The following COLQ variants were observed in gnomAD, a reference collection of about 807,000 sequenced individuals.
The protein encoded by COLQ is collagen like tail subunit of asymmetric acetylcholinesterase, also known as acetylcholinesterase collagenic tail peptide.
In COLQ, 48 loss-of-function variants were observed where a neutral mutation model predicts 69.0. That is an observed-to-expected ratio of 0.70 (90% confidence interval 0.55 to 0.88). COLQ has a LOEUF of 0.88. Ranked by LOEUF, COLQ falls within the 40% of genes least tolerant of loss-of-function variation. COLQ has a pLI of 0.00. For synonymous variants in COLQ, 217 were observed against 211.2 expected, an observed-to-expected ratio of 1.03 and a Z score of -0.24; for missense variants, 618 against 594.6, an observed-to-expected ratio of 1.04 and a Z score of -0.41.
At chr3:15,456,374 C>T in intron 14 of COLQ, 86 bp downstream of exon 14, 1 of 1,576,924 alleles carries the variant, frequency 6.3e-7, no homozygotes, top group Non-Finnish European at 8.7e-7. Flanking sequence ...CCTCCCCAGG[C>T]CCAGTGGGGT....
At chr3:15,466,531 AG>A in intron 11 of COLQ, 94 bp from the exon 12 acceptor site, 2 of 1,066,536 alleles carry the variant, frequency 1.9e-6, no homozygotes, top group South Asian at 1.3e-5. Flanking sequence ...CTTGCACTTA[AG>A]GAGCAAGAGC....
At chr3:15,497,044 T>G (rs2062756372) in intron 1 of COLQ, among the ~76,000 whole-genome samples, 2 of 86,422 alleles carry the variant, frequency 2.3e-5, no homozygotes, top group Non-Finnish European at 5.1e-5. Context: ...GCCTTTTTTT[T>G]TTTTTTTTTT....
Position 15,488,263 on chromosome 3 carries a change from G to A in COLQ, c.264C>T (p.Thr88=). The change falls in exon 3 of 17, where the codon ACC becomes ACT. Residue 88 remains threonine, a synonymous_variant. Coordinates refer to ENST00000383788, the MANE Select transcript of COLQ (RefSeq NM_005677.4). ...AGCCTTGCATGCACGGGGACTGCGA[G>A]GTCTCCAGTTCCAGCATGAGATTCT... ...DMKNLMLELE[T]SQSPCMQGSL... is the part of the protein sequence containing the mutation. 1 of 1,613,682 alleles carries A rather than the reference G, an allele frequency of 6.2e-7. No individual in the cohort carries two copies. The highest frequency in any genetic ancestry group is 8.5e-7 in the Non-Finnish European group (1 of 1,180,012).
At chr3:15,487,658 T>C (rs756280653) in intron 3 of COLQ, among the ~76,000 whole-genome samples, 2 of 152,172 alleles carry the variant, frequency 1.3e-5, no homozygotes, top group African/African-American at 4.8e-5. Flanking sequence ...CAGGACTCTG[T>C]GGGGTGGGGT....
At chr3:15,498,442 C>CT in intron 1 of COLQ, 2 of 1,494,544 alleles carry the variant, frequency 1.3e-6, no homozygotes, top group Non-Finnish European at 9.1e-7. Context: ...TTCCAAGAGT[C>CT]TTTTTTCCAA....
intron 1 of COLQ, among the ~76,000 whole-genome samples, chr3:15,490,475 C>T (rs2062646718): frequency 1.3e-5 from 2 of 152,200 alleles, no homozygotes; most frequent in Non-Finnish European, 1.5e-5. Flanking sequence ...ACCAGAGATT[C>T]ATTTTGACTA....
intron 3 of COLQ, among the ~76,000 whole-genome samples, chr3:15,487,288 C>T (rs1253778205): frequency 6.6e-6 from 1 of 152,168 alleles, no homozygotes; most frequent in East Asian, 1.9e-4. Context: ...AAAGAACATT[C>T]CAAACAGCAG....
chr3:15,504,550 C>T (rs1187355649), intron 1 of COLQ, among the ~76,000 whole-genome samples: 2 of 152,182 alleles, frequency 1.3e-5, no homozygotes, highest in Non-Finnish European at 2.9e-5. Flanking sequence ...TTTATAAAGA[C>T]CTCATCTCCA....
chr3:15,502,221 T>C (rs986897212), intron 1 of COLQ, among the ~76,000 whole-genome samples: 1 of 151,514 alleles, frequency 6.6e-6, no homozygotes, highest in Non-Finnish European at 1.5e-5. Flanking sequence ...ATTTAAGAGA[T>C]TCTCCTGCCT....
intron 3 of COLQ, among the ~76,000 whole-genome samples, 164 bp from the exon 4 acceptor site, chr3:15,479,546 C>CCCCTGGG (rs1281081356): frequency 1.3e-5 from 2 of 152,156 alleles, no homozygotes; most frequent in African/African-American, 4.8e-5. Flanking sequence ...CCAGCCCAGT[C>CCCCTGGG]CCCTCCTCTG....
In COLQ at chr3:15,470,601, T is replaced by C. The variant is rs769908780; in HGVS notation, c.652A>G (p.Lys218Glu). ...MLGQKGEMGP[K>E]GEPGIAGHRG... ...TGTCCTGCTATCCCAGGTTCACCTT[T>C]TGGACCCATTTCACCCTGGAAAGAA... Residue 218 changes from lysine (K) to glutamate (E), a missense_variant, in exon 11 of 17, where the codon AAA becomes GAA. By Grantham distance (56) the Lys-to-Glu change is moderately conservative. Transcript: ENST00000383788. The C allele has an allele frequency of 6.2e-7, 1 of 1,614,172 alleles. No individual in the cohort carries two copies. Among genetic ancestry groups the C allele is most frequent in the Non-Finnish European group, 8.5e-7 (1 of 1,180,022 alleles).
chr3:15,468,056 C>A, intron 11 of COLQ: 1 of 436,048 alleles, frequency 2.3e-6, no homozygotes, highest in East Asian at 7.0e-5. Context: ...CTTAATATAG[C>A]CACAGTTCAG....
At chr3:15,477,021 C>T in intron 6 of COLQ, 105 bp downstream of exon 6, 1 of 1,128,834 alleles carries the variant, frequency 8.9e-7, no homozygotes, top group Non-Finnish European at 1.3e-6. Flanking sequence ...TCTTCCCCCT[C>T]TTGAAGAAGG....
chr3:15,467,438 C>T (rs2062215938), intron 11 of COLQ, among the ~76,000 whole-genome samples: 1 of 152,242 alleles, frequency 6.6e-6, no homozygotes. Flanking sequence ...CCAATTATCA[C>T]AGCAACTGGC....
chr3:15,471,541 T>C lies in COLQ; in HGVS notation c.637-925A>G, dbSNP rs3773449. Among the ~76,000 whole-genome samples, 11 of 152,232 alleles carry C rather than the reference T, an allele frequency of 7.2e-5. No homozygotes were observed. In the East Asian group the frequency reaches 1.7e-3, roughly 24 times the overall value. On this transcript the variant is annotated intron_variant, in intron 10 of 16. Transcript: ENST00000383788. ...CAGAATGCACAGCCAACAAGAAAAA[T>C]TTAGCAATAGCAACCATGAGTGTTA...
chr3:15,471,956 C>T (rs1438955061), intron 10 of COLQ, among the ~76,000 whole-genome samples: 3 of 149,800 alleles, frequency 2.0e-5, no homozygotes, highest in Non-Finnish European at 4.4e-5. Flanking sequence ...GAGAAAACAG[C>T]AGCACAAGCA....
At chr3:15,503,834 A>ACCACGG (rs2062866001) in intron 1 of COLQ, among the ~76,000 whole-genome samples, 1 of 151,772 alleles carries the variant, frequency 6.6e-6, no homozygotes, top group Non-Finnish European at 1.5e-5. Context: ...ATCTTCCTCC[A>ACCACGG]CCACCACCAC....
At chr3:15,458,666 C>T (rs1017561645) in intron 12 of COLQ, among the ~76,000 whole-genome samples, 5 of 152,198 alleles carry the variant, frequency 3.3e-5, no homozygotes, top group Non-Finnish European at 7.3e-5. Flanking sequence ...GGGGCCCTGA[C>T]AGTGACAGTC....
chr3:15,518,722 T>C (rs552370210), intron 1 of COLQ, among the ~76,000 whole-genome samples: 5 of 152,296 alleles, frequency 3.3e-5, no homozygotes, highest in African/African-American at 1.2e-4. Flanking sequence ...TCTTCCTCCA[T>C]CACAACCCCT....
Sources: gnomAD v4.1 joint callset for allele counts (sites outside exome capture counted in the v4.1 genomes callset) on GRCh38, gnomAD v4.1.1 for gene constraint, MANE v1.5 for transcripts, NCBI Gene and HGNC (gene_info 2026-07-23, HGNC 2026-07-21) for gene names.